Variants in ABCA13 observed in about 807,000 individuals in gnomAD.
ABCA13 encodes ATP-binding cassette sub-family A member 13.
A neutral mutation model predicts 478.7 loss-of-function variants in ABCA13; 476 were observed. The observed-to-expected ratio is 0.99, with a 90% CI of 0.92 to 1.07. The LOEUF is 1.07. Ranked by LOEUF, ABCA13 falls within the 50% of genes least tolerant of loss-of-function variation. ABCA13 has a pLI of 0.00. For missense variants in ABCA13, 6,060 were observed against 5,910.6 expected (o/e 1.03, Z -0.83); for synonymous variants, 2,252 against 2,158.9 (o/e 1.04, Z -1.20).
intron 55 of ABCA13, among the ~76,000 whole-genome samples, chr7:48,573,667 G>A (rs1410676556): frequency 2.0e-5 from 3 of 152,078 alleles, no homozygotes; most frequent in African/African-American, 7.2e-5. Context: ...CCAGGAGTTC[G>A]AGGCTGCAGT....
chr7:48,576,201 C>G (rs913882878), intron 55 of ABCA13, among the ~76,000 whole-genome samples: 2 of 151,930 alleles, frequency 1.3e-5, no homozygotes, highest in Non-Finnish European at 2.9e-5. Flanking sequence ...ACCCACCCCC[C>G]ATGGATATAG....
At chr7:48,371,611 A>T (rs1812647216) in intron 32 of ABCA13, among the ~76,000 whole-genome samples, 1 of 152,132 alleles carries the variant, frequency 6.6e-6, no homozygotes. Context: ...GTGTATAGGA[A>T]TGCTTGTGAT....
At position 48,245,912 on chromosome 7, in the gene ABCA13, A is replaced by G. The variant is rs1277246933; in HGVS notation, c.1541A>G (p.Glu514Gly). 1.2e-6 allele frequency: 2 copies of G among 1,613,430 alleles called. No homozygotes were observed. The highest frequency in any genetic ancestry group is 1.7e-5 in the Admixed American group (1 of 59,926). The part of the protein sequence containing the change: ...VCPNGRFSEK[E>G]VFLPPGNSSI... The stretch of plus-strand genomic sequence containing the variant: ...CCGAATGGTCGTTTCTCTGAGAAGG[A>G]GGTCTTTTTGCCGCCTGGAAACTCC... Residue 514 changes from glutamate to glycine, a missense_variant, in exon 13 of 62, where the codon GAG becomes GGG. Glu to Gly is a moderately conservative substitution (Grantham distance 98). Around this residue, in one of 3 missense-constraint regions of ABCA13, gnomAD observed 4,423 missense variants for 4,309.1 expected, o/e 1.03. Coordinates refer to ENST00000435803, the MANE Select transcript of ABCA13 (RefSeq NM_152701.5).
rs763560181 is a variant in ABCA13 at position 48,412,429 on chromosome 7, C to A, written c.12305C>A (p.Ala4102Glu). The A allele has an allele frequency of 1.2e-6, 2 of 1,613,514 alleles. No individual in the cohort carries two copies. The highest frequency in any genetic ancestry group is 3.3e-5 in the Admixed American group (2 of 59,992). The change falls in exon 41 of 62, where the codon GCA becomes GAA. Residue 4102 changes from alanine to glutamate, a missense_variant. Ala to Glu is a moderately radical substitution (Grantham distance 107). Coordinates refer to ENST00000435803, the MANE Select transcript of ABCA13 (RefSeq NM_152701.5). ...CTGATAAAGATCTATATTCCACAAG[C>A]ATTTCTCAAAGACAGCAGTGGAAGT... ...TSLIKIYIPQAFLKDSSGSEL... is the reference protein window; with the variant it reads ...TSLIKIYIPQEFLKDSSGSEL...
rs374146360 is a variant in ABCA13 at position 48,273,406 on chromosome 7, A to T, written c.3740A>T (p.Lys1247Ile). 1.2e-4 allele frequency: 189 copies of T among 1,613,530 alleles called. No individual in the cohort carries two copies. In the African/African-American group the frequency reaches 2.2e-3, roughly 19 times the overall value. The change falls in exon 17 of 62, where the codon AAA becomes ATA. Residue 1247 changes from lysine (K) to isoleucine (I), a missense_variant. Coordinates refer to ENST00000435803, the MANE Select transcript of ABCA13 (RefSeq NM_152701.5). ...ALGNALVSVK[K>I]LNLEQVEKSL... ...GGTAATGCATTAGTTTCAGTAAAAA[A>T]ACTTAACTTGGAGCAAGTGGAGAAA...
chr7:48,472,882 T>A (rs1398858094), intron 45 of ABCA13, among the ~76,000 whole-genome samples: 1 of 152,160 alleles, frequency 6.6e-6, no homozygotes, highest in Non-Finnish European at 1.5e-5. Context: ...GAACCCTTTT[T>A]ATTAATCCAT....
At chr7:48,201,177 A>G (rs1370367077) in intron 3 of ABCA13, among the ~76,000 whole-genome samples, 1 of 152,262 alleles carries the variant, frequency 6.6e-6, no homozygotes. Context: ...TCATTCAATA[A>G]GAAGTATAGC....
At chr7:48,317,915 C>G (rs1015039150) in intron 27 of ABCA13, among the ~76,000 whole-genome samples, 1 of 152,088 alleles carries the variant, frequency 6.6e-6, no homozygotes, top group African/African-American at 2.4e-5. Flanking sequence ...TTAATATTTG[C>G]ACTTTCTTTT....
chr7:48,231,411 G>A (rs1789057792), intron 7 of ABCA13, among the ~76,000 whole-genome samples: 1 of 152,146 alleles, frequency 6.6e-6, no homozygotes, highest in Admixed American at 6.5e-5. Context: ...TGGGCTTGCT[G>A]AGAGCTGTGA....
intron 15 of ABCA13, among the ~76,000 whole-genome samples, chr7:48,268,065 A>G (rs1795095338): frequency 6.6e-6 from 1 of 152,174 alleles, no homozygotes; most frequent in Non-Finnish European, 1.5e-5. Flanking sequence ...TGACTAATGA[A>G]TTATGAATAT....
chr7:48,323,637 A>G (rs1337858589), intron 27 of ABCA13, among the ~76,000 whole-genome samples: 2 of 152,222 alleles, frequency 1.3e-5, no homozygotes, highest in Non-Finnish European at 2.9e-5. Context: ...ATAGCTAGGA[A>G]AACCAAGGTT....
In ABCA13 at chr7:48,245,878, G is replaced by T; in HGVS notation, c.1507G>T (p.Ala503Ser). 6.2e-7 allele frequency: 1 copy of T among 1,612,754 alleles called. No homozygotes were observed. The highest frequency in any genetic ancestry group is 8.5e-7 in the Non-Finnish European group (1 of 1,179,352). Residue 503 changes from alanine to serine, a missense_variant, in exon 13 of 62, where the codon GCT (alanine) becomes TCT (serine). Physicochemically the swap from Ala to Ser is moderately conservative, Grantham distance 99 (BLOSUM62 1). Around this residue, in one of 3 missense-constraint regions of ABCA13, gnomAD observed 4,423 missense variants for 4,309.1 expected, o/e 1.03. Coordinates refer to ENST00000435803, the MANE Select transcript of ABCA13 (RefSeq NM_152701.5). The stretch of plus-strand genomic sequence containing the variant: ...AATCTTTTAGATGTTGGCGAAGAAT[G>T]CTGTCTGCCCGAATGGTCGTTTCTC... Reference protein sequence around the residue: ...WELKQMLAKNAVCPNGRFSEK... With the variant: ...WELKQMLAKNSVCPNGRFSEK...
intron 31 of ABCA13, among the ~76,000 whole-genome samples, chr7:48,357,097 T>A (rs952026273): frequency 1.4e-4 from 21 of 151,910 alleles, no homozygotes; most frequent in African/African-American, 4.9e-4. Context: ...GCATCTGGAC[T>A]TTGATGTGTC....
intron 1 of ABCA13, among the ~76,000 whole-genome samples, chr7:48,175,204 ATTAC>A (rs1180532450): frequency 6.6e-6 from 1 of 152,168 alleles, no homozygotes; most frequent in African/African-American, 2.4e-5. Context: ...AGTCTAATTA[ATTAC>A]TTATTTTATT....
intron 59 of ABCA13, among the ~76,000 whole-genome samples, chr7:48,639,311 A>G (rs1444558860): frequency 6.6e-6 from 1 of 152,176 alleles, no homozygotes; most frequent in Non-Finnish European, 1.5e-5. Flanking sequence ...CATGCATCCA[A>G]AGGAAACCTA....
intron 55 of ABCA13, among the ~76,000 whole-genome samples, chr7:48,573,892 C>T (rs1787913588): frequency 6.6e-6 from 1 of 152,054 alleles, no homozygotes; most frequent in Non-Finnish European, 1.5e-5. Context: ...ACAGCCCTGT[C>T]TCCTTGGCTT....
At chr7:48,226,285 T>G (rs577162068) in intron 5 of ABCA13, among the ~76,000 whole-genome samples, 22 of 152,148 alleles carry the variant, frequency 1.4e-4, no homozygotes, top group Non-Finnish European at 3.1e-4. Flanking sequence ...GCTGAAGTCA[T>G]GCCGAAAAGC....
intron 23 of ABCA13, among the ~76,000 whole-genome samples, chr7:48,302,371 G>T (rs1800266738): frequency 6.6e-6 from 1 of 151,960 alleles, no homozygotes; most frequent in Admixed American, 6.6e-5. Context: ...TAGGCTTAGG[G>T]GTGCATATGC....
intron 26 of ABCA13, among the ~76,000 whole-genome samples, chr7:48,314,965 T>C (rs1802354193): frequency 6.6e-6 from 1 of 152,158 alleles, no homozygotes; most frequent in Non-Finnish European, 1.5e-5. Context: ...TAATACATAA[T>C]TTTTTGGCCC....
Sources: gnomAD v4.1 joint callset for allele counts (sites outside exome capture counted in the v4.1 genomes callset) on GRCh38, gnomAD v4.1.1 for gene constraint, gnomAD v4.1.1 regional missense constraint, MANE v1.5 for transcripts, NCBI Gene and HGNC (gene_info 2026-07-23, HGNC 2026-07-21) for gene names.